The following PRKCE variants were observed in gnomAD, a reference collection of about 807,000 sequenced individuals.
The protein encoded by PRKCE is protein kinase C epsilon, also known as protein kinase C epsilon type.
In PRKCE, 16 loss-of-function variants were observed where a neutral mutation model predicts 85.4. The observed-to-expected ratio is 0.19, with a 90% CI of 0.13 to 0.28. The LOEUF (loss-of-function observed/expected upper bound fraction) is 0.28, where lower values mean the gene tolerates loss of function less well. Among genes scored for constraint, PRKCE ranks in the 10% least tolerant of loss-of-function variants. The probability of loss-of-function intolerance (pLI) is 1.00; values close to 1 mark genes in which losing one functional copy is unlikely to be tolerated. For synonymous variants in PRKCE, 388 were observed against 371.5 expected, an observed-to-expected ratio of 1.04 and a Z score of -0.51; for missense variants, 573 against 975.2, an observed-to-expected ratio of 0.59 and a Z score of 5.49.
intron 2 of PRKCE, among the ~76,000 whole-genome samples, chr2:45,904,962 A>G (rs867541388): frequency 2.4e-4 from 37 of 152,228 alleles, no homozygotes; most frequent in African/African-American, 8.7e-4. Flanking sequence ...GGCGTGGACC[A>G]TGGAGAGCTG....
chr2:46,003,450 A>G (rs942476200), intron 7 of PRKCE, among the ~76,000 whole-genome samples: 1 of 152,214 alleles, frequency 6.6e-6, no homozygotes, highest in Non-Finnish European at 1.5e-5. Context: ...TTTACCAACA[A>G]ATATCAATAT....
chr2:45,673,988 CAAA>C lies in PRKCE; in HGVS notation c.348+21541_348+21543del, dbSNP rs1256625278. Among the ~76,000 whole-genome samples, 440 of 152,310 alleles carry C rather than the reference CAAA, an allele frequency of 2.9e-3. 2 individuals carry two copies. Among genetic ancestry groups the C allele is most frequent in the African/African-American group, 0.01 (424 of 41,556 alleles). ...ATTGAACTCTTGCTCCTTCTGTTCA[CAAA>C]TCAATTGTTGCTTGATTGGACCCAG... On this transcript the variant is annotated intron_variant, in intron 1 of 14. Coordinates refer to ENST00000306156, the MANE Select transcript of PRKCE (RefSeq NM_005400.3).
At chr2:46,117,871 G>A (rs1672934001) in intron 11 of PRKCE, among the ~76,000 whole-genome samples, 1 of 152,278 alleles carries the variant, frequency 6.6e-6, no homozygotes, top group East Asian at 1.9e-4. Context: ...TGCTAAGGAT[G>A]TCAGGTTTTG....
intron 2 of PRKCE, among the ~76,000 whole-genome samples, chr2:45,888,591 C>T (rs1045440389): frequency 4.1e-5 from 6 of 145,494 alleles, no homozygotes; most frequent in Admixed American, 2.2e-4. Context: ...GCTGGAATTA[C>T]AGGTGCCTGC....
intron 10 of PRKCE, among the ~76,000 whole-genome samples, chr2:46,073,260 A>C (rs1348820842): frequency 6.6e-6 from 1 of 152,210 alleles, no homozygotes; most frequent in African/African-American, 2.4e-5. Flanking sequence ...GATTGGAGTT[A>C]CTAGAGGTTT....
chr2:45,982,513 G>A (rs1487063339), intron 5 of PRKCE, among the ~76,000 whole-genome samples: 1 of 152,134 alleles, frequency 6.6e-6, no homozygotes, highest in African/African-American at 2.4e-5. Flanking sequence ...TCCAGGTGTG[G>A]TAACCAAACA....
At chr2:45,872,895 C>A (rs1694202085) in intron 2 of PRKCE, among the ~76,000 whole-genome samples, 1 of 152,164 alleles carries the variant, frequency 6.6e-6, no homozygotes, top group Non-Finnish European at 1.5e-5. Context: ...CATGGGTATG[C>A]AGGTTGTCTC....
At position 45,761,193 on chromosome 2, in the gene PRKCE, G is replaced by A. The variant is rs771759672; in HGVS notation, c.349-81807G>A. On this transcript the variant is annotated intron_variant, in intron 1 of 14. Transcript: ENST00000306156. ...ATACAAAAAATTAGCCGAGTGTGGTGGTGGGCGCCTGTGGTCTCAGCTACT... is the reference window on the plus strand; with the variant it reads ...ATACAAAAAATTAGCCGAGTGTGGTAGTGGGCGCCTGTGGTCTCAGCTACT... Among the ~76,000 whole-genome samples, 14 of 152,038 alleles carry A rather than the reference G, an allele frequency of 9.2e-5. No individual in the cohort carries two copies. The East Asian group carries it at 1.6e-3, about 17-fold the overall frequency.
chr2:45,891,425 A>G (rs764466819), intron 2 of PRKCE, among the ~76,000 whole-genome samples: 1 of 152,192 alleles, frequency 6.6e-6, no homozygotes. Context: ...AAGTTGTACC[A>G]CAAAAGCTGC....
chr2:45,653,006 A>T (rs1675200449), intron 1 of PRKCE, among the ~76,000 whole-genome samples: 1 of 152,140 alleles, frequency 6.6e-6, no homozygotes, highest in African/African-American at 2.4e-5. Context: ...GTTCTCCTCC[A>T]GGATGTCTCC....
chr2:46,001,957 CA>C lies in PRKCE; in HGVS notation c.966+412del, dbSNP rs992060902. ...AGATAAATGGGTGAAGAACTGGAAC[CA>C]CATTCTTTTCTAGGGAGGAAGCCAA... On this transcript the variant is annotated intron_variant, in intron 7 of 14. Coordinates refer to ENST00000306156, the MANE Select transcript of PRKCE (RefSeq NM_005400.3). This position sits in a 1 kb window ranked among gnomAD's most constrained non-coding sequence, Gnocchi z 4.4. Among the ~76,000 whole-genome samples the C allele has an allele frequency of 6.6e-6, 1 of 152,134 alleles. No individual in the cohort carries two copies. The highest frequency in any genetic ancestry group is 1.5e-5 in the Non-Finnish European group (1 of 68,020).
intron 1 of PRKCE, chr2:45,686,443 G>A (rs1442091990): frequency 3.3e-5 from 5 of 152,194 alleles, no homozygotes; most frequent in Admixed American, 3.3e-4. Flanking sequence ...AGGTATACAT[G>A]CAGAAAGAGA....
chr2:45,942,706 G>A (rs189473703), intron 2 of PRKCE, among the ~76,000 whole-genome samples: 6 of 152,198 alleles, frequency 3.9e-5, no homozygotes, highest in East Asian at 1.9e-4. Flanking sequence ...ATGATTCTGC[G>A]ATTAACTCTT....
At chr2:45,885,874 T>A (rs555231386) in intron 2 of PRKCE, among the ~76,000 whole-genome samples, 2 of 152,350 alleles carry the variant, frequency 1.3e-5, no homozygotes, top group South Asian at 4.1e-4. Context: ...AATCTTATTT[T>A]AAGTGCACGA....
chr2:46,060,744 C>CTTTTTTTTTTT (rs112560158), intron 10 of PRKCE, among the ~76,000 whole-genome samples: 1 of 140,126 alleles, frequency 7.1e-6, no homozygotes, highest in African/African-American at 2.7e-5. Flanking sequence ...TTTCTCTCTC[C>CTTTTTTTTTTT]TTTTTTTTTT....
chr2:46,066,315 T>A (rs990607617), intron 10 of PRKCE, among the ~76,000 whole-genome samples: 1 of 152,222 alleles, frequency 6.6e-6, no homozygotes, highest in African/African-American at 2.4e-5. Context: ...AATGTTGAAG[T>A]AATGAGTCAC....
In PRKCE at chr2:45,900,207, T is replaced by A. The variant is rs141584968; in HGVS notation, c.412+57144T>A. Among the ~76,000 whole-genome samples, 1,394 of 152,336 alleles carry A rather than the reference T, an allele frequency of 9.2e-3. 17 individuals carry two copies. Among genetic ancestry groups the A allele is most frequent in the African/African-American group, 0.031 (1,307 of 41,572 alleles). ...GGTGCAGCCCCTGTGGAAAACGGCA[T>A]GACATTTTCTCAGAAAATTGAATTA... On this transcript the variant is annotated intron_variant, in intron 2 of 14. Coordinates refer to ENST00000306156, the MANE Select transcript of PRKCE (RefSeq NM_005400.3).
intron 2 of PRKCE, among the ~76,000 whole-genome samples, chr2:45,922,650 T>A (rs1698336197): frequency 6.6e-6 from 1 of 152,178 alleles, no homozygotes; most frequent in Non-Finnish European, 1.5e-5. Context: ...CTGCCTGGGG[T>A]GCCGTCAGCT....
chr2:46,149,267 G>T (rs1222293421), intron 12 of PRKCE, among the ~76,000 whole-genome samples: 1 of 152,146 alleles, frequency 6.6e-6, no homozygotes, highest in African/African-American at 2.4e-5. Flanking sequence ...ATCTGCCCAA[G>T]GTGTCCCATG....
Sources: gnomAD v4.1 joint callset for allele counts (sites outside exome capture counted in the v4.1 genomes callset) on GRCh38, gnomAD v4.1.1 for gene constraint, Gnocchi (gnomAD v3.1) non-coding constraint, MANE v1.5 for transcripts, NCBI Gene and HGNC (gene_info 2026-07-23, HGNC 2026-07-21) for gene names.